ZIC4: variants seen among roughly 807,000 people sequenced by gnomAD.
The protein encoded by ZIC4 is zinc finger protein ZIC 4.
ZIC4 carries 15 observed loss-of-function variants against 28.8 expected under a neutral mutation model. The observed-to-expected ratio is 0.52, with a 90% confidence interval of 0.35 to 0.80. The LOEUF is 0.80. ZIC4 is among the 30% of genes least tolerant of loss of function. ZIC4 has a pLI of 0.01. For synonymous variants in ZIC4, 220 were observed against 198.1 expected (o/e 1.11, Z -0.93); for missense variants, 512 against 467.1 (o/e 1.10, Z -0.89).
chr3:147,391,296 C>T (rs750870828), intron 3 of ZIC4, 50 bp from the exon 4 acceptor site: 12 of 1,505,752 alleles, frequency 8.0e-6, no homozygotes, highest in Non-Finnish European at 9.8e-6. Flanking sequence ...GTGTTCCCGT[C>T]AGGTGCTTGC....
rs761496589 is a variant in ZIC4, at chr3:147,396,043, G to A, written c.497C>T (p.Pro166Leu). 4.3e-6 allele frequency: 7 copies of A among 1,614,120 alleles called. No individual in the cohort carries two copies. Among genetic ancestry groups the A allele is most frequent in the East Asian group, 2.2e-5 (1 of 44,894 alleles). Residue 166 changes from proline to leucine, a missense_variant, in exon 3 of 5, where the codon CCG becomes CTG. Physicochemically the swap from Pro to Leu is moderately conservative, Grantham distance 98. Coordinates refer to ENST00000383075, the MANE Select transcript of ZIC4 (RefSeq NM_032153.6). The surrounding 1 kb of genome is among the most constrained non-coding windows in gnomAD (Gnocchi z 4.2). ...GAAGCAAATGTGGTTGGCCTGTTCC[G>A]GGCCGCCGACGTGCTCCACGGTGAC... Reference protein sequence around the residue: ...THVTVEHVGGPEQANHICFWE... With the variant: ...THVTVEHVGGLEQANHICFWE...
chr3:147,393,725 C>G (rs776642533), intron 3 of ZIC4: 70 of 353,206 alleles, frequency 2.0e-4, no homozygotes, highest in Non-Finnish European at 3.2e-4. Flanking sequence ...GGATCCCCAG[C>G]ACTGACTCGC....
At position 147,390,984 on chromosome 3, in the gene ZIC4, G is replaced by A. The variant is rs771742639; in HGVS notation, c.951C>T (p.Ser317=). ...CCACCGCCGCCGAGGAGGCCACCTG[G>A]GACTTGTGGCCGCAGTCCGACGAGG... The part of the protein sequence containing the change: ...VSPSSDCGHK[S]QVASSAAVAA... The change falls in exon 4 of 5, where the codon TCC becomes TCT. Residue 317 remains serine, a synonymous_variant. Transcript: ENST00000383075. 6.2e-7 allele frequency: 1 copy of A among 1,613,144 alleles called. No homozygotes were observed. The highest frequency in any genetic ancestry group is 1.7e-5 in the Admixed American group (1 of 59,992).
At position 147,395,836 on chromosome 3, in the gene ZIC4, A is replaced by T. The variant is rs768745486; in HGVS notation, c.688+16T>A. On this transcript the variant is annotated intron_variant, in intron 3 of 4. Transcript: ENST00000383075. ...CCCAGAGGGTCCGCACGCGACAGACAGCGCCGAATACTGACCTGTGTGAGT... is the reference window on the plus strand; with the variant it reads ...CCCAGAGGGTCCGCACGCGACAGACTGCGCCGAATACTGACCTGTGTGAGT... 2 of 1,596,368 alleles carry T rather than the reference A, an allele frequency of 1.3e-6. No individual in the cohort carries two copies. The highest frequency in any genetic ancestry group is 1.1e-5 in the South Asian group (1 of 88,550).
intron 3 of ZIC4, among the ~76,000 whole-genome samples, chr3:147,394,490 C>G (rs2086996664): frequency 6.7e-6 from 1 of 150,012 alleles, no homozygotes; most frequent in Non-Finnish European, 1.5e-5. Context: ...AAAAAAAACC[C>G]TGTCATTAAA....
intron 3 of ZIC4, among the ~76,000 whole-genome samples, chr3:147,395,201 C>CT (rs1255143839): frequency 1.3e-5 from 2 of 152,154 alleles, no homozygotes; most frequent in African/African-American, 4.8e-5. Flanking sequence ...AACGATACTC[C>CT]TTTTTTTCTG....
intron 2 of ZIC4, among the ~76,000 whole-genome samples, chr3:147,399,689 G>A (rs1166671316): frequency 4.9e-5 from 7 of 142,528 alleles, no homozygotes; most frequent in Non-Finnish European, 1.1e-4. Context: ...TTTTTGAGAG[G>A]GAGTCTCCCT....
chr3:147,395,796 C>T, intron 3 of ZIC4, 56 bp downstream of exon 3: 2 of 1,563,466 alleles, frequency 1.3e-6, no homozygotes, highest in Non-Finnish European at 1.7e-6. Flanking sequence ...AAATCCAGAC[C>T]CGAGGGCCTG....
At chr3:147,391,504 G>A (rs1316860533) in intron 3 of ZIC4, 2 of 390,684 alleles carry the variant, frequency 5.1e-6, no homozygotes, top group Non-Finnish European at 9.1e-6. Flanking sequence ...GAGCGACAGT[G>A]ACTCCATCTT....
intron 2 of ZIC4, among the ~76,000 whole-genome samples, chr3:147,397,502 C>A (rs1168672277): frequency 6.6e-6 from 1 of 152,198 alleles, no homozygotes; most frequent in Non-Finnish European, 1.5e-5. Flanking sequence ...GAGCCTCCTC[C>A]CCCTCCTCTC....
intron 3 of ZIC4, chr3:147,392,018 C>A (rs1480776391): frequency 4.8e-5 from 47 of 985,414 alleles, no homozygotes; most frequent in Non-Finnish European, 5.4e-5. Flanking sequence ...AATAATATTT[C>A]ATTACGCTGC....
chr3:147,387,386 C>CT lies in ZIC4; in HGVS notation c.*1472dup, dbSNP rs770597161. On this transcript the variant is annotated 3_prime_UTR_variant, in exon 5 of 5. Coordinates refer to ENST00000383075, the MANE Select transcript of ZIC4 (RefSeq NM_032153.6). Reference sequence around the variant, plus strand: ...GGAGAACAAATCGCTGACAAAGAACCTTTTACGTTTCATCAGCGTTGTTAG... The same window carrying CT: ...GGAGAACAAATCGCTGACAAAGAACCTTTTTACGTTTCATCAGCGTTGTTAG... 2.4e-4 allele frequency: 37 copies of CT among 152,700 alleles called. No individual in the cohort carries two copies. The highest frequency in any genetic ancestry group is 3.4e-3 in the Middle Eastern group (1 of 294). The allele number at this position is 152,700 out of a possible 1,614,324, so 9.5% of individuals were successfully genotyped here. A position where few individuals can be genotyped will look rare whatever the true frequency, so the allele number is the denominator to read the frequency against.
chr3:147,389,207 T>A (rs1305097027), intron 4 of ZIC4: 1 of 332,144 alleles, frequency 3.0e-6, no homozygotes, highest in East Asian at 5.4e-5. Flanking sequence ...AAGGTGTATT[T>A]GGAAGACTGC....
At position 147,388,842 on chromosome 3, in the gene ZIC4, G is replaced by C. The variant is rs756032234; in HGVS notation, c.*17C>G. 6 of 779,866 alleles carry C rather than the reference G, an allele frequency of 7.7e-6. No homozygotes were observed. Among genetic ancestry groups the C allele is most frequent in the South Asian group, 1.3e-5 (1 of 74,268 alleles). The allele number at this position is 779,866 out of a possible 1,614,324, so 48.3% of individuals were successfully genotyped here. A position where few individuals can be genotyped will look rare whatever the true frequency, so the allele number is the denominator to read the frequency against. ...GCTGCGCGGAGCGAGATTACCTTGCGAGCAACGCGGTGGACATCTGTAACA... is the reference window on the plus strand; with the variant it reads ...GCTGCGCGGAGCGAGATTACCTTGCCAGCAACGCGGTGGACATCTGTAACA... On this transcript the variant is annotated 3_prime_UTR_variant, in exon 5 of 5. Transcript: ENST00000383075.
chr3:147,388,853 T>G lies in ZIC4; in HGVS notation c.*6A>C, dbSNP rs2086848384. The G allele has an allele frequency of 1.3e-6, 1 of 780,110 alleles. No individual in the cohort carries two copies. Among genetic ancestry groups the G allele is most frequent in the Non-Finnish European group, 2.4e-6 (1 of 417,936 alleles). The allele number at this position is 780,110 out of a possible 1,614,324, so 48.3% of individuals were successfully genotyped here. The stretch of plus-strand genomic sequence containing the variant: ...CGAGATTACCTTGCGAGCAACGCGG[T>G]GGACATCTGTAACAAGCAAATGAAA... On this transcript the variant is annotated 3_prime_UTR_variant, in exon 5 of 5. Coordinates refer to ENST00000383075, the MANE Select transcript of ZIC4 (RefSeq NM_032153.6).
chr3:147,403,853 T>A (rs2087218590), intron 1 of ZIC4: 2 of 1,061,500 alleles, frequency 1.9e-6, no homozygotes, highest in East Asian at 2.6e-5. Context: ...TCTCTCTCTC[T>A]CTCTCTCCCC....
rs945926199 is a variant in ZIC4 at position 147,388,982 on chromosome 3, A to G, written c.*-123T>C. 11 of 685,592 alleles carry G rather than the reference A, an allele frequency of 1.6e-5. No homozygotes were observed. In the East Asian group the frequency reaches 1.8e-4, roughly 11 times the overall value. 42.5% of individuals were successfully genotyped at this position (685,592 alleles called of 1,614,324 possible). A position where few individuals can be genotyped will look rare whatever the true frequency, so the allele number is the denominator to read the frequency against. ...AGCTTAGAAACAGAAGACAAAGAAA[A>G]AAGTCCTACTTCAGGAAGGGGGACT... On this transcript the variant is annotated intron_variant, in intron 4 of 4. Transcript: ENST00000383075.
intron 2 of ZIC4, among the ~76,000 whole-genome samples, chr3:147,399,084 A>C (rs543588896): frequency 6.6e-6 from 1 of 152,062 alleles, no homozygotes; most frequent in African/African-American, 2.4e-5. Flanking sequence ...GATACTCCTC[A>C]GTATTTAAAA....
intron 3 of ZIC4, among the ~76,000 whole-genome samples, chr3:147,393,119 GCCCCTCCCCAACAA>G (rs1294823221): frequency 6.6e-6 from 1 of 151,632 alleles, no homozygotes; most frequent in Admixed American, 6.6e-5. Flanking sequence ...AGAATTTGGT[GCCCCTCCCCAACAA>G]CCCCCACCCC....
Sources: allele counts gnomAD v4.1 joint callset (sites outside exome capture counted in the v4.1 genomes callset), GRCh38; gene constraint gnomAD v4.1.1; non-coding constraint Gnocchi (gnomAD v3.1); transcripts MANE v1.5; gene names NCBI Gene and HGNC (gene_info 2026-07-23, HGNC 2026-07-21).